Variants in NEO1 observed in about 807,000 individuals in gnomAD.
The protein encoded by NEO1 is neogenin 1, also known as neogenin.
In NEO1, 63 loss-of-function variants were observed where a neutral mutation model predicts 159.7. That is an observed-to-expected ratio of 0.39 (90% CI 0.32 to 0.49). The LOEUF is 0.49. Among genes scored for constraint, NEO1 ranks in the 20% least tolerant of loss-of-function variants. NEO1 has a pLI of 0.85. For synonymous variants in NEO1, 633 were observed against 662.0 expected, an observed-to-expected ratio of 0.96 and a Z score of 0.67; for missense variants, 1,615 against 1,831.0, an observed-to-expected ratio of 0.88 and a Z score of 2.15.
rs142392123 is a variant in NEO1 at position 73,180,877 on chromosome 15, C to T, written c.1291+2450C>T. On this transcript the variant is annotated intron_variant, in intron 7 of 28. Transcript: ENST00000261908. ...GTTATTAATTGTGTTTTCTATTTTG[C>T]TGTTTTAATTTGCAAGATAAATATT... Among the ~76,000 whole-genome samples, 504 of 152,182 alleles carry T rather than the reference C, an allele frequency of 3.3e-3. 2 individuals carry two copies. Among genetic ancestry groups the T allele is most frequent in the Non-Finnish European group, 5.2e-3 (352 of 67,996 alleles).
intron 1 of NEO1, among the ~76,000 whole-genome samples, chr15:73,088,286 A>C (rs2069477636): frequency 6.6e-6 from 1 of 152,040 alleles, no homozygotes; most frequent in Admixed American, 6.6e-5. Flanking sequence ...CAGGGCAAAG[A>C]TTCAGTGGAA....
chr15:73,054,242 A>G (rs62016796), intron 1 of NEO1, among the ~76,000 whole-genome samples: 45,009 of 152,174 alleles, frequency 0.3, 8,485 homozygotes, highest in Middle Eastern at 0.42. Flanking sequence ...GGAAATTCAT[A>G]TGTAGTTCAC....
intron 21 of NEO1, among the ~76,000 whole-genome samples, chr15:73,275,751 A>G (rs1026827548): frequency 7.2e-5 from 11 of 152,348 alleles, no homozygotes; most frequent in African/African-American, 2.2e-4. Context: ...CCATCTGTCA[A>G]TAGTCTTTAC....
chr15:73,257,317 T>A (rs2040417585), intron 13 of NEO1, among the ~76,000 whole-genome samples: 1 of 151,856 alleles, frequency 6.6e-6, no homozygotes, highest in African/African-American at 2.4e-5. Context: ...TTATTCATTT[T>A]CTCAATGAAA....
chr15:73,127,613 G>A (rs1461632052), intron 4 of NEO1, among the ~76,000 whole-genome samples: 1 of 152,200 alleles, frequency 6.6e-6, no homozygotes, highest in Non-Finnish European at 1.5e-5. Context: ...TTCTACAGCA[G>A]TGCTGTTCAA....
intron 5 of NEO1, among the ~76,000 whole-genome samples, chr15:73,155,911 T>C (rs985417578): frequency 1.3e-5 from 2 of 152,266 alleles, no homozygotes; most frequent in African/African-American, 4.8e-5. Context: ...ATTGAGCTTC[T>C]TTAAAATCAG....
At chr15:73,134,813 A>G (rs1287754791) in intron 4 of NEO1, among the ~76,000 whole-genome samples, 1 of 152,154 alleles carries the variant, frequency 6.6e-6, no homozygotes, top group African/African-American at 2.4e-5. Context: ...GTTTGAGGCC[A>G]GCCTATAAGG....
At chr15:73,130,707 AAGT>A (rs748769562) in intron 4 of NEO1, among the ~76,000 whole-genome samples, 10 of 152,160 alleles carry the variant, frequency 6.6e-5, no homozygotes, top group Non-Finnish European at 1.5e-4. Flanking sequence ...CCTCCCATGT[AAGT>A]AGAGAACAAA....
chr15:73,198,530 T>G (rs1386872889), intron 7 of NEO1, among the ~76,000 whole-genome samples: 1 of 149,958 alleles, frequency 6.7e-6, no homozygotes, highest in Non-Finnish European at 1.5e-5. Flanking sequence ...AGCTTTTGGT[T>G]TTTTTTTTTA....
chr15:73,067,542 C>T (rs1311875981), intron 1 of NEO1, among the ~76,000 whole-genome samples: 10 of 151,446 alleles, frequency 6.6e-5, no homozygotes, highest in African/African-American at 9.7e-5. Context: ...CTCTGCCTCC[C>T]GGGTTCACGC....
intron 1 of NEO1, among the ~76,000 whole-genome samples, chr15:73,115,337 A>G (rs915994270): frequency 2.6e-5 from 4 of 152,206 alleles, no homozygotes; most frequent in South Asian, 2.1e-4. Flanking sequence ...CACCGTGCCC[A>G]GCCACCTCTT....
chr15:73,226,275 A>ACACTGCTCTGTCCGTC (rs2038586018), intron 7 of NEO1, among the ~76,000 whole-genome samples: 1 of 152,162 alleles, frequency 6.6e-6, no homozygotes, highest in Non-Finnish European at 1.5e-5. Flanking sequence ...GAGCCTCCGC[A>ACACTGCTCTGTCCGTC]CACTGCTCTG....
intron 7 of NEO1, among the ~76,000 whole-genome samples, chr15:73,178,854 A>G (rs1341424109): frequency 1.3e-5 from 2 of 152,214 alleles, no homozygotes; most frequent in Non-Finnish European, 2.9e-5. Flanking sequence ...GCTTACATAT[A>G]AGTGACAATT....
chr15:73,066,242 G>GTCTCGA (rs11282462), intron 1 of NEO1, among the ~76,000 whole-genome samples: 149,758 of 149,828 alleles, frequency 1, 74,844 homozygotes, highest in Middle Eastern at 1. Flanking sequence ...AGCCAGGATG[G>GTCTCGA]TCTCCTGACC....
At chr15:73,119,470 CA>C (rs2151633476) in intron 2 of NEO1, among the ~76,000 whole-genome samples, 1 of 152,266 alleles carries the variant, frequency 6.6e-6, no homozygotes, top group Non-Finnish European at 1.5e-5. Flanking sequence ...TCTCCACAAC[CA>C]AAATTTCTGT....
At chr15:73,240,068 T>G (rs1039198348) in intron 8 of NEO1, among the ~76,000 whole-genome samples, 15 of 152,128 alleles carry the variant, frequency 9.9e-5, no homozygotes, top group African/African-American at 3.4e-4. Context: ...CAACAAAGAA[T>G]TATCCTGCCC....
intron 7 of NEO1, among the ~76,000 whole-genome samples, chr15:73,194,992 A>G (rs529162904): frequency 6.6e-6 from 1 of 152,358 alleles, no homozygotes; most frequent in African/African-American, 2.4e-5. Flanking sequence ...TAATTAAAGT[A>G]TGAATAATTT....
At chr15:73,270,525 G>T in intron 18 of NEO1, 71 bp downstream of exon 18, 1 of 1,488,454 alleles carries the variant, frequency 6.7e-7, no homozygotes, top group South Asian at 1.3e-5. Flanking sequence ...TGCCTGAATT[G>T]ACATATTTAC....
At chr15:73,282,456 C>T (rs116035547) in intron 22 of NEO1, among the ~76,000 whole-genome samples, 2,207 of 152,278 alleles carry the variant, frequency 0.014, 63 homozygotes, top group African/African-American at 0.05. Context: ...ATTAACTCTG[C>T]GTAGGCTGTG....
Sources: gnomAD v4.1 joint callset for allele counts (sites outside exome capture counted in the v4.1 genomes callset) on GRCh38, gnomAD v4.1.1 for gene constraint, MANE v1.5 for transcripts, NCBI Gene and HGNC (gene_info 2026-07-23, HGNC 2026-07-21) for gene names.